LARP4: variants seen among roughly 807,000 people sequenced by gnomAD.
LARP4 encodes La ribonucleoprotein 4.
Under a neutral mutation model 92.9 loss-of-function variants are expected in LARP4, and 29 were observed. The ratio of observed to expected loss-of-function variants is 0.31; its 90% CI spans 0.23 to 0.43. The LOEUF is 0.43. Among genes scored for constraint, LARP4 ranks in the 20% least tolerant of loss-of-function variants. The pLI, the probability that LARP4 is intolerant of heterozygous loss-of-function variation, is 1.00. For synonymous variants in LARP4, 279 were observed against 284.1 expected (o/e 0.98, Z 0.18); for missense variants, 732 against 860.0 (o/e 0.85, Z 1.86).
chr12:50,418,542 C>G (rs1001585554), intron 1 of LARP4, among the ~76,000 whole-genome samples: 1 of 152,164 alleles, frequency 6.6e-6, no homozygotes, highest in African/African-American at 2.4e-5. Flanking sequence ...GCCTCAGGCT[C>G]TCAAATAGCT....
At chr12:50,403,187 C>G (rs1179876511) in intron 1 of LARP4, among the ~76,000 whole-genome samples, 1 of 152,114 alleles carries the variant, frequency 6.6e-6, no homozygotes. Context: ...TATTTTTGTA[C>G]TTTCCCATAA....
chr12:50,439,465 C>A (rs765191844), intron 6 of LARP4, among the ~76,000 whole-genome samples: 3 of 151,938 alleles, frequency 2.0e-5, no homozygotes, highest in Non-Finnish European at 4.4e-5. Flanking sequence ...TACAGTGGTA[C>A]GATCATAGTT....
intron 8 of LARP4, among the ~76,000 whole-genome samples, chr12:50,447,565 A>C (rs891918606): frequency 6.6e-6 from 1 of 151,924 alleles, no homozygotes; most frequent in Admixed American, 6.6e-5. Context: ...TTTTTCCCCC[A>C]GTTTTATTTA....
At position 50,453,640 on chromosome 12, in the gene LARP4, C is replaced by T; in HGVS notation, c.985C>T (p.Pro329Ser). ...VYSIVPQSWS[P>S]NPTPYFETPL... ...TAGTATTGTGCCTCAGTCTTGGTCT[C>T]CAAATCCTACACCTTACTTTGAAAC... Residue 329 changes from proline (P) to serine (S), a missense_variant, in exon 9 of 16, where the codon CCA becomes TCA. Transcript: ENST00000398473. The T allele has an allele frequency of 1.2e-6, 2 of 1,609,714 alleles. No homozygotes were observed. The highest frequency in any genetic ancestry group is 8.5e-7 in the Non-Finnish European group (1 of 1,176,788).
intron 8 of LARP4, among the ~76,000 whole-genome samples, chr12:50,451,628 A>G (rs1953206981): frequency 6.6e-6 from 1 of 152,204 alleles, no homozygotes; most frequent in African/African-American, 2.4e-5. Flanking sequence ...TGAGCTCAGG[A>G]GTTCCAGACC....
Position 50,418,691 on chromosome 12 carries a change from G to A in LARP4, c.19-9071G>A, listed in dbSNP as rs541732539. ...CTGCCTCAGCCTCCCATAGTGCTGG[G>A]ATTAAAGGCATGAGTCACCATGCCT... On this transcript the variant is annotated intron_variant, in intron 1 of 15. Transcript: ENST00000398473. Among the ~76,000 whole-genome samples the A allele has an allele frequency of 8.0e-4, 122 of 152,302 alleles. 2 individuals carry two copies. The highest frequency in any genetic ancestry group is 2.7e-3 in the African/African-American group (114 of 41,576).
chr12:50,426,371 A>G (rs1948704836), intron 1 of LARP4, among the ~76,000 whole-genome samples: 1 of 152,150 alleles, frequency 6.6e-6, no homozygotes, highest in African/African-American at 2.4e-5. Context: ...TCCCCAACAC[A>G]CAAATAAATT....
Position 50,475,486 on chromosome 12 carries a change from A to G in LARP4, c.1837-40A>G, listed in dbSNP as rs538070203. 3 of 1,435,234 alleles carry G rather than the reference A, an allele frequency of 2.1e-6. 1 individual carries two copies. In the South Asian group the frequency reaches 3.8e-5, roughly 18 times the overall value. 88.9% of individuals were successfully genotyped at this position (1,435,234 alleles called of 1,614,324 possible). ...ATTTTTATACTTTATAATTTAAAGA[A>G]TGTGTACCATAAATGTTTTTTTTTA... On this transcript the variant is annotated intron_variant, in intron 15 of 15. Coordinates refer to ENST00000398473, the MANE Select transcript of LARP4 (RefSeq NM_052879.5).
At chr12:50,442,765 C>A (rs1372756687) in intron 8 of LARP4, among the ~76,000 whole-genome samples, 2 of 152,098 alleles carry the variant, frequency 1.3e-5, no homozygotes, top group African/African-American at 4.8e-5. Context: ...TAATAAGACA[C>A]GAGGGTAACC....
intron 5 of LARP4, among the ~76,000 whole-genome samples, chr12:50,435,998 T>TA (rs56142813): frequency 0.84 from 126,106 of 150,844 alleles, 55,225 homozygotes; most frequent in East Asian, 0.98. Context: ...AGGCTGGTCT[T>TA]TGTTCTTTGG....
rs1308472425 is a variant in LARP4 at position 50,473,400 on chromosome 12, T to G, written c.1546-15T>G. 6.2e-7 allele frequency: 1 copy of G among 1,607,818 alleles called. No homozygotes were observed. The highest frequency in any genetic ancestry group is 1.7e-5 in the Admixed American group (1 of 59,824). On this transcript the variant is annotated splice_polypyrimidine_tract_variant and intron_variant, in intron 13 of 15. Coordinates refer to ENST00000398473, the MANE Select transcript of LARP4 (RefSeq NM_052879.5). Reference sequence around the variant, plus strand: ...AAGGTCTAAGTGTAATTTTGAAAAATCTTTTTACTTTAAGGATAATGAAGA... The same window carrying G: ...AAGGTCTAAGTGTAATTTTGAAAAAGCTTTTTACTTTAAGGATAATGAAGA...
chr12:50,468,253 C>G (rs1197277382), intron 13 of LARP4, among the ~76,000 whole-genome samples: 2 of 151,990 alleles, frequency 1.3e-5, no homozygotes, highest in Admixed American at 1.3e-4. Flanking sequence ...GCTGGAATTA[C>G]AAGCGTGAGC....
In LARP4 at chr12:50,475,915, C is replaced by G. The variant is rs367987652; in HGVS notation, c.*51C>G. The G allele has an allele frequency of 4.0e-6, 6 of 1,508,084 alleles. No homozygotes were observed. The African/African-American group carries it at 8.3e-5, about 21-fold the overall frequency. 93.4% of individuals were successfully genotyped at this position (1,508,084 alleles called of 1,614,324 possible). A position where few individuals can be genotyped will look rare whatever the true frequency, so the allele number is the denominator to read the frequency against. ...TCACTCTCTTCCCATTAAACTTGAACTGTGGCTATATTGAACTGTTTTGGA... is the reference window on the plus strand; with the variant it reads ...TCACTCTCTTCCCATTAAACTTGAAGTGTGGCTATATTGAACTGTTTTGGA... On this transcript the variant is annotated 3_prime_UTR_variant, in exon 16 of 16. Transcript: ENST00000398473.
chr12:50,402,314 G>T (rs756654132), intron 1 of LARP4, among the ~76,000 whole-genome samples: 1 of 151,950 alleles, frequency 6.6e-6, no homozygotes, highest in Non-Finnish European at 1.5e-5. Flanking sequence ...AACATTCATT[G>T]GAACATTCCG....
chr12:50,468,727 T>C (rs1375924908), intron 13 of LARP4, among the ~76,000 whole-genome samples: 1 of 152,220 alleles, frequency 6.6e-6, no homozygotes, highest in African/African-American at 2.4e-5. Flanking sequence ...CCTCCTGATA[T>C]ATTGTACTTC....
chr12:50,450,107 G>C (rs1196584780), intron 8 of LARP4, among the ~76,000 whole-genome samples: 1 of 151,516 alleles, frequency 6.6e-6, no homozygotes, highest in Admixed American at 6.6e-5. Context: ...CTAATTTTTT[G>C]TGTTTTTAGT....
chr12:50,437,116 G>A (rs898432661), intron 5 of LARP4, among the ~76,000 whole-genome samples: 2 of 152,100 alleles, frequency 1.3e-5, no homozygotes, highest in African/African-American at 4.8e-5. Flanking sequence ...ACCTGTTCAT[G>A]GAGATCTGGT....
At chr12:50,444,089 A>T (rs1205894542) in intron 8 of LARP4, among the ~76,000 whole-genome samples, 2 of 152,214 alleles carry the variant, frequency 1.3e-5, no homozygotes, top group Non-Finnish European at 2.9e-5. Context: ...TCTATAATGG[A>T]ATTAATGGAA....
At position 50,479,498 on chromosome 12, in the gene LARP4, C is replaced by T. The variant is rs2139298601; in HGVS notation, c.*3634C>T. ...ACATATATGTTTCCCTTTTCATTAG[C>T]TGAATGAGGATATTTTAAGAAGTTG... On this transcript the variant is annotated 3_prime_UTR_variant, in exon 16 of 16. Transcript: ENST00000398473. The T allele has an allele frequency of 6.6e-6, 1 of 152,180 alleles. No homozygotes were observed. Among genetic ancestry groups the T allele is most frequent in the East Asian group, 1.9e-4 (1 of 5,190 alleles). The allele number at this position is 152,180 out of a possible 1,614,324, so 9.4% of individuals were successfully genotyped here. A position where few individuals can be genotyped will look rare whatever the true frequency, so the allele number is the denominator to read the frequency against.
Sources: allele counts gnomAD v4.1 joint callset (sites outside exome capture counted in the v4.1 genomes callset), GRCh38; gene constraint gnomAD v4.1.1; transcripts MANE v1.5; gene names NCBI Gene and HGNC (gene_info 2026-07-23, HGNC 2026-07-21).